DRICH1: variants seen among roughly 807,000 people sequenced by gnomAD.
The protein encoded by DRICH1 is aspartate rich 1, also known as aspartate-rich protein 1.
A neutral mutation model predicts 39.5 loss-of-function variants in DRICH1; 38 were observed. The observed-to-expected ratio is 0.96, with a 90% confidence interval of 0.74 to 1.26. The LOEUF (loss-of-function observed/expected upper bound fraction) is 1.26. Ranked by LOEUF, DRICH1 falls within the 50% of genes most tolerant of loss-of-function variation. The pLI is 0.00. For synonymous variants in DRICH1, 84 were observed against 99.5 expected (o/e 0.84, Z 0.93); for missense variants, 279 against 270.4 (o/e 1.03, Z -0.22).
chr22:23,588,129 T>A, the DRICH1 span, among the ~76,000 whole-genome samples: 1 of 152,196 alleles, frequency 6.6e-6, no homozygotes, highest in African/African-American at 2.4e-5. Flanking sequence ...TCTGGTTTTC[T>A]TTTTTTCTTT....
At chr22:23,613,973 T>C (rs576975758) in intron 9 of DRICH1, among the ~76,000 whole-genome samples, 162 bp downstream of exon 9, 1 of 152,184 alleles carries the variant, frequency 6.6e-6, no homozygotes, top group Non-Finnish European at 1.5e-5. Flanking sequence ...GTGGACCACA[T>C]ATAAGTTGGG....
chr22:23,596,382 C>T, the DRICH1 span, among the ~76,000 whole-genome samples: 1 of 152,012 alleles, frequency 6.6e-6, no homozygotes, highest in African/African-American at 2.4e-5. Flanking sequence ...ACCTCAGCTT[C>T]GCAAGTAGTT....
chr22:23,618,899 C>T (rs116385855), intron 6 of DRICH1, among the ~76,000 whole-genome samples: 1,825 of 151,972 alleles, frequency 0.012, 23 homozygotes, highest in African/African-American at 0.042. Context: ...TTTGTCCAGG[C>T]GCGGTGGCTC....
rs1404463844 is a variant in DRICH1, at chr22:23,613,764, A to T, written c.622-104T>A. Reference sequence around the variant, plus strand: ...ACGATAAAAAACCAGAAGGCAGTATAGTGATTGAGCCATAGGTCAAAGTCC... The same window carrying T: ...ACGATAAAAAACCAGAAGGCAGTATTGTGATTGAGCCATAGGTCAAAGTCC... On this transcript the variant is annotated intron_variant, in intron 9 of 11. Transcript: ENST00000317749. 4 of 846,856 alleles carry T rather than the reference A, an allele frequency of 4.7e-6. No individual in the cohort carries two copies. The African/African-American group carries it at 6.8e-5, about 14-fold the overall frequency. The allele number at this position is 846,856 out of a possible 1,614,324, so 52.5% of individuals were successfully genotyped here. A position where few individuals can be genotyped will look rare whatever the true frequency, so the allele number is the denominator to read the frequency against.
intron 3 of DRICH1, among the ~76,000 whole-genome samples, chr22:23,622,513 T>C (rs1927809585): frequency 9.4e-6 from 1 of 106,610 alleles, no homozygotes; most frequent in African/African-American, 3.2e-5. Context: ...ATTTTCTTAA[T>C]GTATTCAAGA....
chr22:23,617,287 A>G (rs916934138), intron 7 of DRICH1, among the ~76,000 whole-genome samples: 17 of 152,194 alleles, frequency 1.1e-4, no homozygotes, highest in African/African-American at 2.4e-5. Context: ...TTTATATCAA[A>G]ATTAATTGAG....
intron 6 of DRICH1, among the ~76,000 whole-genome samples, chr22:23,618,976 A>T (rs1927545802): frequency 6.6e-6 from 1 of 152,056 alleles, no homozygotes. Flanking sequence ...GATCGAGACC[A>T]TCCTGGCCAA....
chr22:23,621,585 C>T (rs1036840658), intron 4 of DRICH1, among the ~76,000 whole-genome samples: 1 of 151,870 alleles, frequency 6.6e-6, no homozygotes, highest in African/African-American at 2.4e-5. Flanking sequence ...CATAAGGTAC[C>T]GGATCTTGCA....
chr22:23,618,075 A>G (rs773422749), intron 6 of DRICH1, among the ~76,000 whole-genome samples: 2 of 150,386 alleles, frequency 1.3e-5, no homozygotes, highest in Non-Finnish European at 3.0e-5. Context: ...AATGGATTCA[A>G]TTTTACCCAA....
intron 8 of DRICH1, among the ~76,000 whole-genome samples, chr22:23,616,255 A>T (rs923425930): frequency 2.0e-5 from 3 of 152,176 alleles, no homozygotes; most frequent in African/African-American, 7.2e-5. Flanking sequence ...AGGCTTTGAG[A>T]TTTTGCAGTG....
At chr22:23,615,251 C>G (rs1257739053) in intron 8 of DRICH1, among the ~76,000 whole-genome samples, 1 of 152,114 alleles carries the variant, frequency 6.6e-6, no homozygotes, top group African/African-American at 2.4e-5. Flanking sequence ...CGGTGAGTGC[C>G]TGTAATTCCA....
At chr22:23,614,964 G>C (rs986531784) in intron 8 of DRICH1, among the ~76,000 whole-genome samples, 1 of 152,122 alleles carries the variant, frequency 6.6e-6, no homozygotes, top group African/African-American at 2.4e-5. Flanking sequence ...AAGTTTCCAG[G>C]TTCAAATATA....
In DRICH1 at chr22:23,622,819, CCCTCAGGAGATT is replaced by C. The variant is rs551135721; in HGVS notation, c.299-655_299-644del. The stretch of plus-strand genomic sequence containing the variant: ...GGCTTCATCAGCTCTGTGTCACTCT[CCCTCAGGAGATT>C]CCGTAAAGATCAGGTTTCATTCAAA... On this transcript the variant is annotated intron_variant, in intron 3 of 11. Transcript: ENST00000317749. Among the ~76,000 whole-genome samples the C allele has an allele frequency of 2.9e-3, 434 of 152,218 alleles. 2 individuals carry two copies. Among genetic ancestry groups the C allele is most frequent in the Non-Finnish European group, 4.2e-3 (286 of 67,964 alleles).
intron 6 of DRICH1, 123 bp from the exon 7 acceptor site, chr22:23,617,780 G>A (rs1307022880): frequency 4.2e-6 from 4 of 959,990 alleles, no homozygotes; most frequent in Non-Finnish European, 5.0e-6. Context: ...GTTAATGCTG[G>A]AAGAGGGATG....
the DRICH1 span, among the ~76,000 whole-genome samples, chr22:23,598,318 A>G: frequency 6.8e-6 from 1 of 147,780 alleles, no homozygotes; most frequent in African/African-American, 2.5e-5. Context: ...CCAGGCAAGA[A>G]CTGAGGAGAG....
At chr22:23,581,817 G>C in the DRICH1 span, among the ~76,000 whole-genome samples, 1 of 151,828 alleles carries the variant, frequency 6.6e-6, no homozygotes, top group Non-Finnish European at 1.5e-5. Context: ...TGTTGGCCAG[G>C]CTGGTCTCGA....
chr22:23,626,643 C>T (rs1928081268), intron 1 of DRICH1, among the ~76,000 whole-genome samples: 1 of 152,158 alleles, frequency 6.6e-6, no homozygotes, highest in African/African-American at 2.4e-5. Context: ...GACAAAAACT[C>T]TGCAAGAAGT....
Position 23,617,850 on chromosome 22 carries a change from G to A in DRICH1, c.437-193C>T, listed in dbSNP as rs141008221. On this transcript the variant is annotated intron_variant, in intron 6 of 11. Transcript: ENST00000317749. Reference sequence around the variant, plus strand: ...CTTGGCCTTGTACTAGAGGCATCACGCAGCAACACAAAACAGTCAACCCCA... The same window carrying A: ...CTTGGCCTTGTACTAGAGGCATCACACAGCAACACAAAACAGTCAACCCCA... Among the ~76,000 whole-genome samples, 533 of 152,242 alleles carry A rather than the reference G, an allele frequency of 3.5e-3. 3 individuals carry two copies. Among genetic ancestry groups the A allele is most frequent in the African/African-American group, 0.012 (505 of 41,542 alleles).
downstream of DRICH1, chr22:23,608,437 A>T: frequency 2.4e-6 from 1 of 408,584 alleles, no homozygotes; most frequent in Non-Finnish European, 4.5e-6. Context: ...CTGATCAGCC[A>T]CCTCTGCACC....
Sources: allele counts gnomAD v4.1 joint callset (sites outside exome capture counted in the v4.1 genomes callset), GRCh38; gene constraint gnomAD v4.1.1; transcripts MANE v1.5; gene names NCBI Gene and HGNC (gene_info 2026-07-23, HGNC 2026-07-21).